The following MMP26 variants were observed in gnomAD, a reference collection of about 807,000 sequenced individuals.
MMP26 encodes the protein matrix metallopeptidase 26, also known as matrix metalloproteinase-26.
In MMP26, 33 loss-of-function variants were observed where a neutral mutation model predicts 31.0. That is an observed-to-expected ratio of 1.06 (90% CI 0.81 to 1.42). The LOEUF (loss-of-function observed/expected upper bound fraction) is 1.42. Among genes scored for constraint, MMP26 ranks in the 40% most tolerant of loss-of-function variants. MMP26 has a pLI of 0.00. For missense variants in MMP26, 347 were observed against 316.1 expected (o/e 1.10, Z -0.74); for synonymous variants, 122 against 114.9 (o/e 1.06, Z -0.40).
intron 1 of MMP26, among the ~76,000 whole-genome samples, chr11:4,714,920 T>TCTCTCTCACACA (rs376354906): frequency 7.1e-5 from 10 of 141,784 alleles, no homozygotes; most frequent in African/African-American, 8.1e-5. Context: ...TCTCTCTCTC[T>TCTCTCTCACACA]CACACACACA....
chr11:4,779,545 G>A lies in MMP26; in HGVS notation c.-145+12204G>A, dbSNP rs568422835. ...CACTTTAGAAGTGTTTGTACAATTA[G>A]TATTTTTTATTTTATTGTTCTATTT... is the stretch of plus-strand genomic sequence containing the variant. On this transcript the variant is annotated intron_variant, in intron 2 of 7. Coordinates refer to ENST00000380390, the MANE Select transcript of MMP26 (RefSeq NM_021801.5). Among the ~76,000 whole-genome samples, 6 of 152,054 alleles carry A rather than the reference G, an allele frequency of 3.9e-5. No individual in the cohort carries two copies. The South Asian group carries it at 1.2e-3, about 32-fold the overall frequency.
At chr11:4,814,094 C>A (rs1849388473) in intron 2 of MMP26, among the ~76,000 whole-genome samples, 1 of 152,050 alleles carries the variant, frequency 6.6e-6, no homozygotes, top group South Asian at 2.1e-4. Flanking sequence ...AACAATTTAA[C>A]AATATAAACT....
chr11:4,891,960 T>A (rs1850630546), intron 2 of MMP26, among the ~76,000 whole-genome samples: 1 of 152,120 alleles, frequency 6.6e-6, no homozygotes, highest in South Asian at 2.1e-4. Context: ...CTTAATCAAC[T>A]ATATGTATTT....
At chr11:4,808,295 C>T (rs1305320120) in intron 2 of MMP26, among the ~76,000 whole-genome samples, 1 of 152,112 alleles carries the variant, frequency 6.6e-6, no homozygotes, top group Non-Finnish European at 1.5e-5. Context: ...CAGACTCCTG[C>T]CCAGGTTGGG....
At chr11:4,881,834 T>C (rs765701614) in intron 2 of MMP26, 1 of 1,322,818 alleles carries the variant, frequency 7.6e-7, no homozygotes, top group Non-Finnish European at 1.1e-6. Flanking sequence ...TAATAAAATG[T>C]ATGCTATATA....
At chr11:4,917,608 C>G (rs1295737343) in intron 2 of MMP26, among the ~76,000 whole-genome samples, 2 of 152,202 alleles carry the variant, frequency 1.3e-5, no homozygotes, top group African/African-American at 4.8e-5. Flanking sequence ...GGCTCTCACA[C>G]CGTGCTCCTC....
chr11:4,712,860 G>T, intron 1 of MMP26, among the ~76,000 whole-genome samples: 1 of 148,506 alleles, frequency 6.7e-6, no homozygotes, highest in Non-Finnish European at 1.5e-5. Flanking sequence ...TACTATCTAT[G>T]TTACACTCTG....
At chr11:4,709,659 A>G in intron 1 of MMP26, 1 of 457,558 alleles carries the variant, frequency 2.2e-6, no homozygotes, top group South Asian at 1.5e-5. Context: ...CTGGACCTCC[A>G]TCCCATTCTG....
At chr11:4,892,330 A>G (rs1431671730) in intron 2 of MMP26, among the ~76,000 whole-genome samples, 1 of 152,078 alleles carries the variant, frequency 6.6e-6, no homozygotes, top group Non-Finnish European at 1.5e-5. Context: ...TTCTTTAGCA[A>G]CTCCAATTAG....
intron 2 of MMP26, among the ~76,000 whole-genome samples, chr11:4,910,685 C>A (rs1236702297): frequency 6.6e-6 from 1 of 152,134 alleles, no homozygotes; most frequent in Admixed American, 6.6e-5. Flanking sequence ...TTGCTTACAT[C>A]TCTGCCAAAT....
At chr11:4,936,902 A>C (rs1846121172) in intron 2 of MMP26, among the ~76,000 whole-genome samples, 1 of 152,194 alleles carries the variant, frequency 6.6e-6, no homozygotes, top group South Asian at 2.1e-4. Context: ...TACATATTTT[A>C]AAATTTTTAA....
At chr11:4,872,105 GT>G (rs968222800) in intron 2 of MMP26, among the ~76,000 whole-genome samples, 1 of 152,022 alleles carries the variant, frequency 6.6e-6, no homozygotes, top group Non-Finnish European at 1.5e-5. Flanking sequence ...TTCCACTAAG[GT>G]TTTTGTATCT....
chr11:4,808,513 G>T (rs921932211), intron 2 of MMP26, among the ~76,000 whole-genome samples: 1 of 151,988 alleles, frequency 6.6e-6, no homozygotes, highest in Non-Finnish European at 1.5e-5. Context: ...AATGTATTCT[G>T]CCCATGAGCC....
At chr11:4,779,082 C>T (rs1038889311) in intron 2 of MMP26, among the ~76,000 whole-genome samples, 12 of 152,066 alleles carry the variant, frequency 7.9e-5, no homozygotes, top group Middle Eastern at 3.4e-3. Flanking sequence ...TTTTCCTTTA[C>T]TCTGCTGAGG....
intron 2 of MMP26, among the ~76,000 whole-genome samples, chr11:4,767,818 T>A (rs999490887): frequency 6.6e-6 from 1 of 152,198 alleles, no homozygotes; most frequent in Non-Finnish European, 1.5e-5. Context: ...ATTTTTCCAA[T>A]GGCAATAAAA....
At chr11:4,756,789 G>A (rs1044602213) in intron 1 of MMP26, 13 of 150,142 alleles carry the variant, frequency 8.7e-5, no homozygotes, top group African/African-American at 2.7e-4. Context: ...AATAATCCTC[G>A]CTGCAAGTAT....
intron 2 of MMP26, among the ~76,000 whole-genome samples, chr11:4,825,906 G>A (rs1329014860): frequency 6.6e-6 from 1 of 152,088 alleles, no homozygotes; most frequent in Non-Finnish European, 1.5e-5. Context: ...TCAAAAGACA[G>A]AAATCATACA....
chr11:4,908,222 C>T (rs1850934633), intron 2 of MMP26: 1 of 1,614,152 alleles, frequency 6.2e-7, no homozygotes, highest in Non-Finnish European at 8.5e-7. Context: ...GGTGCCGCCC[C>T]TTATGAACCC....
At chr11:4,723,323 C>A in intron 1 of MMP26, 4 of 974,716 alleles carry the variant, frequency 4.1e-6, no homozygotes, top group East Asian at 4.8e-5. Context: ...ATCTGCAGCT[C>A]CTCATACTTG....
Sources: allele counts gnomAD v4.1 joint callset (sites outside exome capture counted in the v4.1 genomes callset), GRCh38; gene constraint gnomAD v4.1.1; transcripts MANE v1.5; gene names NCBI Gene and HGNC (gene_info 2026-07-23, HGNC 2026-07-21).